The following SLC25A21 variants were observed in gnomAD, a reference collection of about 807,000 sequenced individuals.
The protein encoded by SLC25A21 is mitochondrial 2-oxodicarboxylate carrier.
A neutral mutation model predicts 43.8 loss-of-function variants in SLC25A21; 47 were observed. The ratio of observed to expected loss-of-function variants is 1.07; its 90% CI spans 0.85 to 1.37. The LOEUF is 1.37. Among genes scored for constraint, SLC25A21 ranks in the 40% most tolerant of loss-of-function variants. The pLI is 0.00. For missense variants in SLC25A21, 352 were observed against 350.2 expected, an observed-to-expected ratio of 1.00 and a Z score of -0.04; for synonymous variants, 131 against 121.3, an observed-to-expected ratio of 1.08 and a Z score of -0.52.
At chr14:36,698,336 G>C (rs998744434) in intron 7 of SLC25A21, among the ~76,000 whole-genome samples, 3 of 152,146 alleles carry the variant, frequency 2.0e-5, no homozygotes, top group Admixed American at 1.3e-4. Context: ...CTCTCTGGCT[G>C]CCCTTAACAC....
intron 1 of SLC25A21, among the ~76,000 whole-genome samples, chr14:37,162,829 G>A (rs1963968546): frequency 6.6e-6 from 1 of 152,074 alleles, no homozygotes; most frequent in African/African-American, 2.4e-5. Flanking sequence ...CTGCTATAAA[G>A]ACACATGCAC....
At chr14:36,858,533 T>C (rs1208158484) in intron 2 of SLC25A21, among the ~76,000 whole-genome samples, 1 of 152,188 alleles carries the variant, frequency 6.6e-6, no homozygotes, top group Non-Finnish European at 1.5e-5. Context: ...TATGACCCAT[T>C]TTCTTTTGTG....
At chr14:36,768,622 T>C (rs919761030) in intron 3 of SLC25A21, among the ~76,000 whole-genome samples, 2 of 152,178 alleles carry the variant, frequency 1.3e-5, no homozygotes, top group African/African-American at 2.4e-5. Context: ...CAGACAGACC[T>C]GGATCCAAAT....
At chr14:36,697,851 T>A (rs1314806858) in intron 7 of SLC25A21, among the ~76,000 whole-genome samples, 3 of 151,376 alleles carry the variant, frequency 2.0e-5, no homozygotes, top group Non-Finnish European at 4.4e-5. Context: ...CACTGATGGA[T>A]CTTGACTCTT....
chr14:36,998,112 G>A (rs972822634), intron 1 of SLC25A21, among the ~76,000 whole-genome samples: 4 of 152,104 alleles, frequency 2.6e-5, no homozygotes, highest in Admixed American at 1.3e-4. Context: ...TCTGCACAGT[G>A]TTATTATTTT....
At chr14:37,088,144 C>G (rs1962519825) in intron 1 of SLC25A21, among the ~76,000 whole-genome samples, 1 of 152,076 alleles carries the variant, frequency 6.6e-6, no homozygotes, top group African/African-American at 2.4e-5. Context: ...AATGTATATA[C>G]AGTATATTTT....
Position 36,678,856 on chromosome 14 carries a change from T to C in SLC25A21, c.*1802A>G. ...CACATGGAGTAATTTTTAAAAGATA[T>C]CAGATACAATTTGCTATTCAAAGAA... is the stretch of plus-strand genomic sequence containing the variant. On this transcript the variant is annotated 3_prime_UTR_variant, in exon 10 of 10. Transcript: ENST00000331299. 2 of 974,818 alleles carry C rather than the reference T, an allele frequency of 2.1e-6. No individual in the cohort carries two copies. The highest frequency in any genetic ancestry group is 2.4e-6 in the Non-Finnish European group (2 of 816,536). 60.4% of individuals were successfully genotyped at this position (974,818 alleles called of 1,614,324 possible). A position where few individuals can be genotyped will look rare whatever the true frequency, so the allele number is the denominator to read the frequency against.
Position 37,043,217 on chromosome 14 carries a change from T to C in SLC25A21, c.70+129064A>G, listed in dbSNP as rs58653115. On this transcript the variant is annotated intron_variant, in intron 1 of 9. Transcript: ENST00000331299. ...ACAGGACCCATTTCCTCTATACAAA[T>C]GTACAGCTAACTATCCAGTTGTACT... 5.6e-3 allele frequency among the ~76,000 whole-genome samples: 851 copies of C among 152,290 alleles called. 62 individuals carry two copies. The East Asian group carries it at 0.14, about 26-fold the overall frequency.
At chr14:37,018,455 A>G (rs890384804) in intron 1 of SLC25A21, among the ~76,000 whole-genome samples, 20 of 152,054 alleles carry the variant, frequency 1.3e-4, no homozygotes, top group Non-Finnish European at 2.4e-4. Flanking sequence ...TTCCATATAC[A>G]TACACAATTT....
chr14:37,143,845 G>A (rs974737459), intron 1 of SLC25A21, among the ~76,000 whole-genome samples: 1 of 152,098 alleles, frequency 6.6e-6, no homozygotes, highest in African/African-American at 2.4e-5. Context: ...CTGAGGAAAA[G>A]GCACAGTTTG....
At chr14:37,158,406 G>C (rs533333582) in intron 1 of SLC25A21, among the ~76,000 whole-genome samples, 1 of 152,118 alleles carries the variant, frequency 6.6e-6, no homozygotes, top group African/African-American at 2.4e-5. Flanking sequence ...ATTTATTCCA[G>C]GGATGCAAGA....
At chr14:36,815,999 A>G (rs559579438) in intron 2 of SLC25A21, among the ~76,000 whole-genome samples, 1 of 152,346 alleles carries the variant, frequency 6.6e-6, no homozygotes, top group South Asian at 2.1e-4. Flanking sequence ...TAGAAATAAT[A>G]TATTTTATAG....
intron 1 of SLC25A21, among the ~76,000 whole-genome samples, chr14:37,039,933 G>A (rs1479782049): frequency 1.3e-5 from 2 of 152,004 alleles, no homozygotes; most frequent in Non-Finnish European, 2.9e-5. Flanking sequence ...TGTGGCTCAC[G>A]CCTGTAATCC....
intron 1 of SLC25A21, among the ~76,000 whole-genome samples, chr14:37,121,083 G>A (rs1963199260): frequency 6.6e-6 from 1 of 152,046 alleles, no homozygotes; most frequent in Non-Finnish European, 1.5e-5. Context: ...TGTCCCAAAG[G>A]GCAAACTGAA....
At chr14:36,897,674 T>C (rs1252709228) in intron 1 of SLC25A21, among the ~76,000 whole-genome samples, 2 of 152,198 alleles carry the variant, frequency 1.3e-5, no homozygotes, top group African/African-American at 2.4e-5. Flanking sequence ...TTTATCTACC[T>C]TTGGTCTTTG....
intron 6 of SLC25A21, among the ~76,000 whole-genome samples, chr14:36,721,093 C>T (rs17176845): frequency 0.03 from 4,527 of 152,338 alleles, 95 homozygotes; most frequent in Middle Eastern, 0.061. Context: ...TTTGTAAGAT[C>T]ACCTTGCATC....
intron 1 of SLC25A21, among the ~76,000 whole-genome samples, chr14:37,136,114 C>A (rs1180834207): frequency 6.6e-6 from 1 of 152,190 alleles, no homozygotes; most frequent in African/African-American, 2.4e-5. Flanking sequence ...CTAAACATCA[C>A]AACTAATTAG....
At chr14:36,865,215 ACT>A (rs1890181417) in intron 2 of SLC25A21, among the ~76,000 whole-genome samples, 1 of 148,984 alleles carries the variant, frequency 6.7e-6, no homozygotes, top group South Asian at 2.1e-4. Context: ...CTGGCTTCAC[ACT>A]CTCTGCTGGG....
At chr14:36,723,441 C>G (rs1395087862) in intron 6 of SLC25A21, among the ~76,000 whole-genome samples, 1 of 152,174 alleles carries the variant, frequency 6.6e-6, no homozygotes, top group Non-Finnish European at 1.5e-5. Context: ...TATAATGCAT[C>G]TAATTGATTT....
Sources: gnomAD v4.1 joint callset for allele counts (sites outside exome capture counted in the v4.1 genomes callset) on GRCh38, gnomAD v4.1.1 for gene constraint, MANE v1.5 for transcripts, NCBI Gene and HGNC (gene_info 2026-07-23, HGNC 2026-07-21) for gene names.